HAUS1: variants seen among roughly 807,000 people sequenced by gnomAD.
HAUS1 encodes the protein HAUS augmin-like complex subunit 1.
Under a neutral mutation model 38.6 loss-of-function variants are expected in HAUS1, and 25 were observed. The ratio of observed to expected loss-of-function variants is 0.65; its 90% CI spans 0.47 to 0.91. The LOEUF (loss-of-function observed/expected upper bound fraction) is 0.91, where lower values mean the gene tolerates loss of function less well. Ranked by LOEUF, HAUS1 falls within the 40% of genes least tolerant of loss-of-function variation. The pLI is 0.00. For synonymous variants in HAUS1, 109 were observed against 112.9 expected, an observed-to-expected ratio of 0.97 and a Z score of 0.22; for missense variants, 325 against 328.4, an observed-to-expected ratio of 0.99 and a Z score of 0.08.
At chr18:46,118,522 A>C in intron 3 of HAUS1, 1 of 529,590 alleles carries the variant, frequency 1.9e-6, no homozygotes, top group East Asian at 3.2e-5. Flanking sequence ...TTCCAGGATT[A>C]GATTTATGAA....
At chr18:46,107,002 G>A (rs556320447) in intron 2 of HAUS1, among the ~76,000 whole-genome samples, 1 of 151,756 alleles carries the variant, frequency 6.6e-6, no homozygotes, top group African/African-American at 2.4e-5. Flanking sequence ...GCAACAGAGT[G>A]AGACTCTCTC....
chr18:46,105,503 G>A (rs1347276395), intron 2 of HAUS1, 135 bp downstream of exon 2: 24 of 657,850 alleles, frequency 3.6e-5, no homozygotes, highest in Non-Finnish European at 5.7e-5. Flanking sequence ...CTTCCACTCT[G>A]TTATAGTAGT....
intron 5 of HAUS1, among the ~76,000 whole-genome samples, chr18:46,122,911 T>C (rs1317645925): frequency 6.6e-6 from 1 of 152,184 alleles, no homozygotes; most frequent in East Asian, 1.9e-4. Flanking sequence ...TACTGTGTTA[T>C]ATGTTAAAAA....
At chr18:46,114,343 C>G (rs1911747874) in intron 2 of HAUS1, among the ~76,000 whole-genome samples, 1 of 152,140 alleles carries the variant, frequency 6.6e-6, no homozygotes. Context: ...CTTGATTTTC[C>G]CATGAGGCAA....
intron 5 of HAUS1, 51 bp from the exon 6 acceptor site, chr18:46,123,248 G>A: frequency 1.7e-6 from 2 of 1,178,316 alleles, no homozygotes; most frequent in Non-Finnish European, 2.5e-6. Context: ...TTTGATGGTG[G>A]TCACTTTTCA....
chr18:46,124,631 C>A (rs1912047520), intron 6 of HAUS1, among the ~76,000 whole-genome samples, 191 bp from the exon 7 acceptor site: 1 of 151,856 alleles, frequency 6.6e-6, no homozygotes, highest in Non-Finnish European at 1.5e-5. Flanking sequence ...TATAACTTTC[C>A]TATTTTAAGC....
intron 2 of HAUS1, among the ~76,000 whole-genome samples, chr18:46,117,924 C>T (rs1040593306): frequency 6.6e-6 from 1 of 151,790 alleles, no homozygotes; most frequent in East Asian, 1.9e-4. Context: ...CCAGCCTGGG[C>T]AACAGAGCGA....
At position 46,122,319 on chromosome 18, in the gene HAUS1, A is replaced by AAC. The variant is rs1911965147; in HGVS notation, c.477-148_477-147insAC. 3 of 676,288 alleles carry AAC rather than the reference A, an allele frequency of 4.4e-6. No individual in the cohort carries two copies. The East Asian group carries it at 8.3e-5, about 19-fold the overall frequency. 41.9% of individuals were successfully genotyped at this position (676,288 alleles called of 1,614,324 possible). ...ACCTCATCTCTTAAAAAAAAAAAAA[A>AAC]CCCAGAGTGCAACATGGAGGGGAAG... On this transcript the variant is annotated intron_variant, in intron 4 of 8. Coordinates refer to ENST00000282058, the MANE Select transcript of HAUS1 (RefSeq NM_138443.4).
At chr18:46,111,995 C>T (rs1414197591) in intron 2 of HAUS1, among the ~76,000 whole-genome samples, 8 of 150,060 alleles carry the variant, frequency 5.3e-5, no homozygotes, top group African/African-American at 1.7e-4. Flanking sequence ...AAGCTATTCT[C>T]CTGCCTCAGC....
chr18:46,117,795 A>C (rs1911834144), intron 2 of HAUS1, among the ~76,000 whole-genome samples: 1 of 152,040 alleles, frequency 6.6e-6, no homozygotes, highest in East Asian at 1.9e-4. Context: ...ATACAAAAAA[A>C]ATTAGCTGGG....
chr18:46,113,000 A>ATATATGGAATATATATATTCCATAT (rs1568263608), intron 2 of HAUS1, among the ~76,000 whole-genome samples: 2 of 123,804 alleles, frequency 1.6e-5, no homozygotes, highest in African/African-American at 6.6e-5. Context: ...TATATTCCAT[A>ATATATGGAATATATATATTCCATAT]TATATGGAAT....
intron 5 of HAUS1, chr18:46,123,054 A>C (rs535407004): frequency 2.5e-6 from 1 of 404,506 alleles, no homozygotes; most frequent in East Asian, 5.0e-5. Flanking sequence ...TACTAAAAAT[A>C]TAAAAAATTA....
intron 2 of HAUS1, among the ~76,000 whole-genome samples, chr18:46,107,221 C>G (rs1430932087): frequency 6.6e-6 from 1 of 152,002 alleles, no homozygotes; most frequent in Non-Finnish European, 1.5e-5. Flanking sequence ...CATATATGTG[C>G]TTTTAAAATT....
At chr18:46,105,051 A>G (rs968526322) in intron 1 of HAUS1, 143 bp from the exon 2 acceptor site, 4 of 529,402 alleles carry the variant, frequency 7.6e-6, no homozygotes, top group Non-Finnish European at 1.4e-5. Context: ...GTATCTCCCT[A>G]AAGACAAGTG....
At chr18:46,113,689 A>G (rs772170077) in intron 2 of HAUS1, among the ~76,000 whole-genome samples, 12 of 152,002 alleles carry the variant, frequency 7.9e-5, no homozygotes, top group Non-Finnish European at 1.6e-4. Context: ...GCTTTTTTCT[A>G]TTACAGTTCC....
intron 2 of HAUS1, among the ~76,000 whole-genome samples, chr18:46,113,769 A>G (rs1225478805): frequency 1.3e-5 from 2 of 152,154 alleles, no homozygotes; most frequent in African/African-American, 2.4e-5. Flanking sequence ...TTCAGACAAC[A>G]TATTGTATCC....
At position 46,104,421 on chromosome 18, in the gene HAUS1, C is replaced by G; in HGVS notation, c.10C>G (p.Gln4Glu). The change falls in exon 1 of 9, where the codon CAG becomes GAG. Residue 4 changes from glutamine (Q) to glutamate (E), a missense_variant. By Grantham distance (29) the Gln-to-Glu change is conservative (BLOSUM62 2). Coordinates refer to ENST00000282058, the MANE Select transcript of HAUS1 (RefSeq NM_138443.4). ...GGCGGGAGCCGCAGCTATGGAGCCG[C>G]AGGAGGAGAGAGAAACGCAGGTGAT... is the stretch of plus-strand genomic sequence containing the variant. MEP[Q>E]EERETQVAAW... The G allele has an allele frequency of 1.4e-6, 2 of 1,464,280 alleles. No homozygotes were observed. The highest frequency in any genetic ancestry group is 1.8e-6 in the Non-Finnish European group (2 of 1,097,968). 90.7% of individuals were successfully genotyped at this position (1,464,280 alleles called of 1,614,324 possible).
Position 46,123,280 on chromosome 18 carries a change from C to CT in HAUS1, c.601-12dup. On this transcript the variant is annotated intron_variant, in intron 5 of 8. Transcript: ENST00000282058. ...TTCAAATAATTTTTTAACTGAACTC[C>CT]TTTTTTTGGTAATTGTAGGAGCAAC... 10 of 1,569,580 alleles carry CT rather than the reference C, an allele frequency of 6.4e-6. No homozygotes were observed. The highest frequency in any genetic ancestry group is 2.3e-5 in the South Asian group (2 of 87,316).
chr18:46,114,891 T>G (rs1478833730), intron 2 of HAUS1, among the ~76,000 whole-genome samples: 1 of 152,194 alleles, frequency 6.6e-6, no homozygotes, highest in Non-Finnish European at 1.5e-5. Context: ...TCATTTGCTG[T>G]GTACCCTTAG....
Sources: allele counts gnomAD v4.1 joint callset (sites outside exome capture counted in the v4.1 genomes callset), GRCh38; gene constraint gnomAD v4.1.1; transcripts MANE v1.5; gene names NCBI Gene and HGNC (gene_info 2026-07-23, HGNC 2026-07-21).